RDH16: variants seen among roughly 807,000 people sequenced by gnomAD.
The protein encoded by RDH16 is retinol dehydrogenase 16.
Under a neutral mutation model 22.3 loss-of-function variants are expected in RDH16, and 25 were observed. The ratio of observed to expected loss-of-function variants is 1.12; its 90% CI spans 0.82 to 1.56. The LOEUF (loss-of-function observed/expected upper bound fraction) is 1.56. Ranked by LOEUF, RDH16 falls within the 40% of genes most tolerant of loss-of-function variation. RDH16 has a pLI of 0.00. For missense variants in RDH16, 413 were observed against 394.9 expected, an observed-to-expected ratio of 1.05 and a Z score of -0.39; for synonymous variants, 154 against 164.4, an observed-to-expected ratio of 0.94 and a Z score of 0.48.
In RDH16 at chr12:56,951,976, C is replaced by T. The variant is rs142499380; in HGVS notation, c.*53G>A. 321 of 1,526,690 alleles carry T rather than the reference C, an allele frequency of 2.1e-4. 2 individuals are homozygous for T. In the African/African-American group the frequency reaches 3.9e-3, roughly 19 times the overall value. The allele number at this position is 1,526,690 out of a possible 1,614,324, so 94.6% of individuals were successfully genotyped here. A position where few individuals can be genotyped will look rare whatever the true frequency, so the allele number is the denominator to read the frequency against. On this transcript the variant is annotated 3_prime_UTR_variant, in exon 4 of 4. Coordinates refer to ENST00000398138, the MANE Select transcript of RDH16 (RefSeq NM_003708.5). Reference sequence around the variant, plus strand: ...ACTTTATATCTCTCCCAAGGATACACCACCCCTCATAGCACACCCCAAATC... The same window carrying T: ...ACTTTATATCTCTCCCAAGGATACATCACCCCTCATAGCACACCCCAAATC...
chr12:56,951,965 C>T lies in RDH16; in HGVS notation c.*64G>A. 6.8e-7 allele frequency: 1 copy of T among 1,465,506 alleles called. No homozygotes were observed. Among genetic ancestry groups the T allele is most frequent in the Non-Finnish European group, 9.5e-7 (1 of 1,052,398 alleles). 90.8% of individuals were successfully genotyped at this position (1,465,506 alleles called of 1,614,324 possible). A position where few individuals can be genotyped will look rare whatever the true frequency, so the allele number is the denominator to read the frequency against. On this transcript the variant is annotated 3_prime_UTR_variant, in exon 4 of 4. Coordinates refer to ENST00000398138, the MANE Select transcript of RDH16 (RefSeq NM_003708.5). The stretch of plus-strand genomic sequence containing the variant: ...TCCCTCCCTCCACTTTATATCTCTC[C>T]CAAGGATACACCACCCCTCATAGCA...
chr12:56,952,913 TC>T lies in RDH16; in HGVS notation c.649del (p.Glu217ArgfsTer4), dbSNP rs756236477. ...CTCCAGGAAGCTCTTTAAGAATCTCTCCTTACTGGTCACAGCAGTCTTGAAA... is the reference window on the plus strand; with the variant it reads ...CTCCAGGAAGCTCTTTAAGAATCTCTCTTACTGGTCACAGCAGTCTTGAAA... ...GYFKTAVTSK[E>X]RFLKSFLEIW... On this transcript the variant is annotated frameshift_variant, in exon 3 of 4. Transcript: ENST00000398138. LOFTEE classifies it high-confidence loss of function. 4.6e-5 allele frequency: 74 copies of T among 1,613,922 alleles called. No individual in the cohort carries two copies. In the East Asian group the frequency reaches 1.6e-3, roughly 34 times the overall value.
In RDH16 at chr12:56,951,463, C is replaced by T. The variant is rs893608108; in HGVS notation, c.*566G>A. Reference sequence around the variant, plus strand: ...ACAAATCAAAAACTGATTTATTTGTCCTCTGCACAGATCCTTACTTAGGAC... The same window carrying T: ...ACAAATCAAAAACTGATTTATTTGTTCTCTGCACAGATCCTTACTTAGGAC... On this transcript the variant is annotated 3_prime_UTR_variant, in exon 4 of 4. Transcript: ENST00000398138. The T allele has an allele frequency of 3.8e-5, 6 of 159,084 alleles. No individual in the cohort carries two copies. Among genetic ancestry groups the T allele is most frequent in the African/African-American group, 1.4e-4 (6 of 41,618 alleles). The allele number at this position is 159,084 out of a possible 1,614,324, so 9.9% of individuals were successfully genotyped here. A position where few individuals can be genotyped will look rare whatever the true frequency, so the allele number is the denominator to read the frequency against.
At position 56,952,197 on chromosome 12, in the gene RDH16, C is replaced by A; in HGVS notation, c.786G>T (p.Ser262=). 6.2e-7 allele frequency: 1 copy of A among 1,614,158 alleles called. No homozygotes were observed. Among genetic ancestry groups the A allele is most frequent in the East Asian group, 2.2e-5 (1 of 44,890 alleles). ...CATGCTCCATGCAGTTGGTCACCAA[C>A]GACAGATCCTGTGTGCACTTCTGCT... The part of the protein sequence containing the change: ...QMEQKCTQDL[S]LVTNCMEHAL... Residue 262 remains serine, a synonymous_variant, in exon 4 of 4, where the codon TCG becomes TCT. Coordinates refer to ENST00000398138, the MANE Select transcript of RDH16 (RefSeq NM_003708.5).
Position 56,952,019 on chromosome 12 carries a change from A to C in RDH16, c.*10T>G. The C allele has an allele frequency of 6.2e-7, 1 of 1,612,404 alleles. No individual in the cohort carries two copies. Among genetic ancestry groups the C allele is most frequent in the East Asian group, 2.2e-5 (1 of 44,856 alleles). ...CCCAAATCCATGCAACCATGCATCC[A>C]ACCTTAGCTTCATAGAGCCTTGGCC... On this transcript the variant is annotated 3_prime_UTR_variant, in exon 4 of 4. Transcript: ENST00000398138.
rs367758719 is a variant in RDH16, at chr12:56,954,894, C to A, written c.572+12G>T. On this transcript the variant is annotated intron_variant, in intron 2 of 3. Transcript: ENST00000398138. ...CAGGAAGACTAGGGTGGGCCCCATC[C>A]CAGACCCATACCTGAGGGAGTCAGA... 41 of 1,613,950 alleles carry A rather than the reference C, an allele frequency of 2.5e-5. No homozygotes were observed. The highest frequency in any genetic ancestry group is 3.2e-5 in the Non-Finnish European group (38 of 1,179,904).
In RDH16 at chr12:56,957,356, C is replaced by A; in HGVS notation, c.107G>T (p.Gly36Val). Residue 36 changes from glycine to valine, a missense_variant, in exon 1 of 4, where the codon GGC becomes GTC. By Grantham distance (109) the Gly-to-Val change is moderately radical (BLOSUM62 -3). Transcript: ENST00000398138. ...CAGTTTCCCGAAGCCAGAGTCACAGCCCGTGATGAACACATACTTATCTCT... is the reference window on the plus strand; with the variant it reads ...CAGTTTCCCGAAGCCAGAGTCACAGACCGTGATGAACACATACTTATCTCT... ...HLRDKYVFIT[G>V]CDSGFGKLLA... 1 of 1,614,172 alleles carries A rather than the reference C, an allele frequency of 6.2e-7. No homozygotes were observed. Among genetic ancestry groups the A allele is most frequent in the South Asian group, 1.1e-5 (1 of 91,074 alleles).
rs1445061515 is a variant in RDH16 at position 56,952,826 on chromosome 12, C to T, written c.736+1G>A. ...CTCCCCACTGTCCACAGCTTACTCACAGTCTGCAACAAACTTCTCGCCATA... is the reference window on the plus strand; with the variant it reads ...CTCCCCACTGTCCACAGCTTACTCATAGTCTGCAACAAACTTCTCGCCATA... On this transcript the variant is annotated splice_donor_variant, in intron 3 of 3. Transcript: ENST00000398138. LOFTEE classifies it high-confidence loss of function. 3.1e-6 allele frequency: 5 copies of T among 1,612,130 alleles called. No homozygotes were observed. The South Asian group carries it at 5.5e-5, about 18-fold the overall frequency.
At chr12:56,956,015 A>G (rs1051943608) in intron 1 of RDH16, among the ~76,000 whole-genome samples, 4 of 152,322 alleles carry the variant, frequency 2.6e-5, no homozygotes, top group Non-Finnish European at 4.4e-5. Flanking sequence ...GCTAGGGGGC[A>G]GGAGCACAGG....
At chr12:56,954,304 T>C (rs1282761251) in intron 2 of RDH16, among the ~76,000 whole-genome samples, 1 of 152,190 alleles carries the variant, frequency 6.6e-6, no homozygotes, top group Non-Finnish European at 1.5e-5. Flanking sequence ...GTCCTTCTAC[T>C]ACAGCAAGAG....
rs779499842 is a variant in RDH16 at position 56,952,944 on chromosome 12, C to G, written c.619G>C (p.Gly207Arg). The change falls in exon 3 of 4, where the codon GGC becomes CGC. Residue 207 changes from glycine to arginine, a missense_variant. Coordinates refer to ENST00000398138, the MANE Select transcript of RDH16 (RefSeq NM_003708.5). ...CTGGTCACAGCAGTCTTGAAATAGCCAGGTTCAATCATAGCCACCTTCACC... is the reference window on the plus strand; with the variant it reads ...CTGGTCACAGCAGTCTTGAAATAGCGAGGTTCAATCATAGCCACCTTCACC... ...FGVKVAMIEP[G>R]YFKTAVTSKE... 1.2e-6 allele frequency: 2 copies of G among 1,613,958 alleles called. No homozygotes were observed. The highest frequency in any genetic ancestry group is 1.7e-6 in the Non-Finnish European group (2 of 1,179,944).
chr12:56,955,271 G>T, intron 1 of RDH16, 107 bp from the exon 2 acceptor site: 1 of 1,346,058 alleles, frequency 7.4e-7, no homozygotes, highest in Non-Finnish European at 1.0e-6. Flanking sequence ...ACTGACAGGT[G>T]TGGGATGGGG....
intron 1 of RDH16, among the ~76,000 whole-genome samples, chr12:56,956,908 A>T (rs1565619195): frequency 6.6e-6 from 1 of 152,140 alleles, no homozygotes. Context: ...ATAGAGAGGA[A>T]TTCTGGAGAG....
chr12:56,954,971 C>A lies in RDH16; in HGVS notation c.507G>T (p.Val169=). 6.2e-7 allele frequency: 1 copy of A among 1,614,222 alleles called. No individual in the cohort carries two copies. Among genetic ancestry groups the A allele is most frequent in the African/African-American group, 1.3e-5 (1 of 75,064 alleles). The part of the protein sequence containing the change: ...VVNVSSVMGR[V]SLFGGGYCIS... ...TGCAGTAGCCTCCACCAAAAAGTGA[C>A]ACCCGGCCCATGACACTGGAGACGT... The change falls in exon 2 of 4, where the codon GTG becomes GTT. Residue 169 remains valine (V), a synonymous_variant. Transcript: ENST00000398138.
chr12:56,954,547 C>G (rs558068478), intron 2 of RDH16, among the ~76,000 whole-genome samples: 15 of 152,154 alleles, frequency 9.9e-5, no homozygotes, highest in Non-Finnish European at 1.8e-4. Context: ...CACAGTGTTC[C>G]CCTGTCCTGG....
intron 1 of RDH16, among the ~76,000 whole-genome samples, chr12:56,955,616 A>T (rs1955921414): frequency 6.6e-6 from 1 of 152,144 alleles, no homozygotes; most frequent in African/African-American, 2.4e-5. Flanking sequence ...GAGACAAGAA[A>T]GAGGGAGAGT....
chr12:56,955,304 A>T, intron 1 of RDH16, 140 bp from the exon 2 acceptor site: 1 of 1,009,762 alleles, frequency 9.9e-7, no homozygotes, highest in Non-Finnish European at 1.4e-6. Flanking sequence ...CAAACACCAC[A>T]GTATCACAGG....
Position 56,951,902 on chromosome 12 carries a change from T to G in RDH16, c.*127A>C. Reference sequence around the variant, plus strand: ...CAGGAGAATCATGGCCAGGAGGTAATGAAGGAGGTGGGATTGGTGCCCTAC... The same window carrying G: ...CAGGAGAATCATGGCCAGGAGGTAAGGAAGGAGGTGGGATTGGTGCCCTAC... On this transcript the variant is annotated 3_prime_UTR_variant, in exon 4 of 4. Transcript: ENST00000398138. The G allele has an allele frequency of 4.4e-6, 3 of 687,334 alleles. No homozygotes were observed. Among genetic ancestry groups the G allele is most frequent in the Non-Finnish European group, 7.6e-6 (3 of 395,778 alleles). The allele number at this position is 687,334 out of a possible 1,614,324, so 42.6% of individuals were successfully genotyped here. A position where few individuals can be genotyped will look rare whatever the true frequency, so the allele number is the denominator to read the frequency against.
intron 1 of RDH16, among the ~76,000 whole-genome samples, chr12:56,956,917 A>G (rs1437550211): frequency 6.6e-6 from 1 of 152,166 alleles, no homozygotes; most frequent in Non-Finnish European, 1.5e-5. Context: ...AATTCTGGAG[A>G]GAAAATCTCA....
Sources: gnomAD v4.1 joint callset for allele counts (sites outside exome capture counted in the v4.1 genomes callset) on GRCh38, gnomAD v4.1.1 for gene constraint, MANE v1.5 for transcripts, NCBI Gene and HGNC (gene_info 2026-07-23, HGNC 2026-07-21) for gene names.